SH3PXD2A: variants seen among roughly 807,000 people sequenced by gnomAD.
SH3PXD2A encodes SH3 and PX domains 2A, also known as SH3 and PX domain-containing protein 2A.
In SH3PXD2A, 32 loss-of-function variants were observed where a neutral mutation model predicts 115.2. The ratio of observed to expected loss-of-function variants is 0.28; its 90% CI spans 0.21 to 0.37. The LOEUF (loss-of-function observed/expected upper bound fraction) is 0.37. Ranked by LOEUF, SH3PXD2A falls within the 10% of genes least tolerant of loss-of-function variation. The pLI is 1.00. For missense variants in SH3PXD2A, 1,328 were observed against 1,498.7 expected (o/e 0.89, Z 1.88); for synonymous variants, 610 against 629.1 (o/e 0.97, Z 0.45).
At chr10:103,735,647 C>A in intron 4 of SH3PXD2A, 85 bp downstream of exon 4, 1 of 1,076,762 alleles carries the variant, frequency 9.3e-7, no homozygotes. Context: ...AACCTTTCCT[C>A]ACAGATGGAC....
At chr10:103,841,769 C>A (rs2039601020) in intron 1 of SH3PXD2A, among the ~76,000 whole-genome samples, 1 of 152,170 alleles carries the variant, frequency 6.6e-6, no homozygotes, top group Admixed American at 6.5e-5. Flanking sequence ...TTCCTCACCT[C>A]CCTCAAGTCT....
At chr10:103,768,895 G>A (rs1209378471) in intron 2 of SH3PXD2A, among the ~76,000 whole-genome samples, 2 of 152,108 alleles carry the variant, frequency 1.3e-5, no homozygotes, top group Non-Finnish European at 2.9e-5. Flanking sequence ...AGGGGAGTGG[G>A]CATGTGCAGA....
intron 13 of SH3PXD2A, among the ~76,000 whole-genome samples, chr10:103,607,913 C>T (rs1415328766): frequency 1.3e-5 from 2 of 151,890 alleles, no homozygotes; most frequent in Admixed American, 1.3e-4. Context: ...GGATTGAGGT[C>T]GGTGCAAGAT....
chr10:103,788,163 G>A (rs913284888), intron 2 of SH3PXD2A, among the ~76,000 whole-genome samples: 5 of 152,130 alleles, frequency 3.3e-5, no homozygotes, highest in African/African-American at 4.8e-5. Context: ...ATGCTTCACC[G>A]CTGCTCCAGC....
At chr10:103,829,547 A>G (rs891750137) in intron 1 of SH3PXD2A, among the ~76,000 whole-genome samples, 11 of 152,240 alleles carry the variant, frequency 7.2e-5, no homozygotes, top group Non-Finnish European at 1.6e-4. Flanking sequence ...CCACCCAGCA[A>G]GTATTTACTG....
intron 8 of SH3PXD2A, among the ~76,000 whole-genome samples, chr10:103,660,325 C>T (rs1005952380): frequency 6.6e-6 from 1 of 152,148 alleles, no homozygotes; most frequent in Non-Finnish European, 1.5e-5. Context: ...TACCTTTGCC[C>T]CCTCCGTGGC....
chr10:103,732,176 T>G (rs74157314), intron 4 of SH3PXD2A, among the ~76,000 whole-genome samples: 4,722 of 152,232 alleles, frequency 0.031, 222 homozygotes, highest in African/African-American at 0.1. Context: ...GAATATTCAT[T>G]TTATCCCTTG....
chr10:103,845,004 A>C (rs1842828599), intron 1 of SH3PXD2A, among the ~76,000 whole-genome samples: 1 of 152,170 alleles, frequency 6.6e-6, no homozygotes, highest in African/African-American at 2.4e-5. Context: ...CAGAAGATAC[A>C]GGTCATAAAG....
intron 2 of SH3PXD2A, among the ~76,000 whole-genome samples, chr10:103,790,673 G>A (rs2039026823): frequency 1.3e-5 from 2 of 152,204 alleles, no homozygotes; most frequent in African/African-American, 4.8e-5. Context: ...CTGATAGGTA[G>A]TGACTTCCTA....
intron 1 of SH3PXD2A, among the ~76,000 whole-genome samples, chr10:103,849,042 G>A (rs566573399): frequency 6.6e-6 from 1 of 150,926 alleles, no homozygotes; most frequent in African/African-American, 2.4e-5. Context: ...GCAGCGAGTG[G>A]TGGGGCCAGG....
At chr10:103,612,227 G>A (rs549229164) in intron 12 of SH3PXD2A, among the ~76,000 whole-genome samples, 1 of 152,318 alleles carries the variant, frequency 6.6e-6, no homozygotes, top group South Asian at 2.1e-4. Context: ...GTGCCAGACT[G>A]CCTGGAGTCT....
intron 3 of SH3PXD2A, among the ~76,000 whole-genome samples, chr10:103,753,085 T>C (rs998809721): frequency 4.3e-4 from 66 of 152,034 alleles, no homozygotes; most frequent in Non-Finnish European, 1.0e-4. Context: ...GCAAACACCC[T>C]GGTGCAGGCA....
In SH3PXD2A at chr10:103,832,907, T is replaced by C. The variant is rs182088604; in HGVS notation, c.72+22288A>G. Among the ~76,000 whole-genome samples, 368 of 149,434 alleles carry C rather than the reference T, an allele frequency of 2.5e-3. 1 individual carries two copies. The highest frequency in any genetic ancestry group is 8.7e-3 in the African/African-American group (351 of 40,164). On this transcript the variant is annotated intron_variant, in intron 1 of 14. Transcript: ENST00000369774. ...CAAGTATAATAAAAAGAAAAAAAAATAGAAGTAGAACCACCAGGTCACATG... is the reference window on the plus strand; with the variant it reads ...CAAGTATAATAAAAAGAAAAAAAAACAGAAGTAGAACCACCAGGTCACATG...
rs145657038 is a variant in SH3PXD2A at position 103,682,808 on chromosome 10, G to A, written c.427+10220C>T. Among the ~76,000 whole-genome samples, 11 of 151,764 alleles carry A rather than the reference G, an allele frequency of 7.2e-5. No homozygotes were observed. The South Asian group carries it at 2.1e-3, about 29-fold the overall frequency. On this transcript the variant is annotated intron_variant, in intron 6 of 14. Coordinates refer to ENST00000369774, the MANE Select transcript of SH3PXD2A (RefSeq NM_001394015.1). Reference sequence around the variant, plus strand: ...CGAGCCTGGGTAAGATGTGCCAGAAGCTGACGCCTTCAAAAGACACGCTCA... The same window carrying A: ...CGAGCCTGGGTAAGATGTGCCAGAAACTGACGCCTTCAAAAGACACGCTCA...
Position 103,605,852 on chromosome 10 carries a change from T to A in SH3PXD2A, c.1374A>T (p.Glu458Asp), listed in dbSNP as rs148490577. The A allele has an allele frequency of 6.2e-7, 1 of 1,613,474 alleles. No individual in the cohort carries two copies. Among genetic ancestry groups the A allele is most frequent in the African/African-American group, 1.3e-5 (1 of 75,042 alleles). ...SVEVEYYTIA[E>D]FQSCISDGIS... ...TGCCATCGGAAATGCACGACTGGAA[T>A]TCGGCAATGGTGTAGTACTCCACCT... Residue 458 changes from glutamate (E) to aspartate (D), a missense_variant, in exon 14 of 15, where the codon GAA becomes GAT. Physicochemically the swap from Glu to Asp is conservative, Grantham distance 45 (BLOSUM62 2). Around this residue, in one of 5 missense-constraint regions of SH3PXD2A, gnomAD observed 509 missense variants for 628.3 expected, o/e 0.81. Coordinates refer to ENST00000369774, the MANE Select transcript of SH3PXD2A (RefSeq NM_001394015.1).
chr10:103,834,481 G>A (rs1184113646), intron 1 of SH3PXD2A, among the ~76,000 whole-genome samples: 1 of 152,200 alleles, frequency 6.6e-6, no homozygotes, highest in Non-Finnish European at 1.5e-5. Flanking sequence ...ACATGAAAAT[G>A]TTCTGAAATT....
chr10:103,722,185 T>C (rs2038190396), intron 5 of SH3PXD2A, among the ~76,000 whole-genome samples: 1 of 150,958 alleles, frequency 6.6e-6, no homozygotes, highest in Non-Finnish European at 1.5e-5. Context: ...GTGCCTGTAA[T>C]CCCAGCTACC....
chr10:103,698,097 C>T (rs1365830133), intron 5 of SH3PXD2A, among the ~76,000 whole-genome samples: 1 of 152,204 alleles, frequency 6.6e-6, no homozygotes, highest in Non-Finnish European at 1.5e-5. Context: ...AAGGAGAGGT[C>T]ACACCAGCAG....
rs1489161868 is a variant in SH3PXD2A at position 103,627,251 on chromosome 10, C to T, written c.605-49G>A. ...AGGACTGTGAGATTCTGCAGGGTGGCAGGGGTGGCTCGGGGGCCAGGACAA... is the reference window on the plus strand; with the variant it reads ...AGGACTGTGAGATTCTGCAGGGTGGTAGGGGTGGCTCGGGGGCCAGGACAA... On this transcript the variant is annotated intron_variant, in intron 8 of 14. Transcript: ENST00000369774. This position sits in a 1 kb window ranked among gnomAD's most constrained non-coding sequence, Gnocchi z 4.4. The T allele has an allele frequency of 8.6e-7, 1 of 1,165,244 alleles. No homozygotes were observed. Among genetic ancestry groups the T allele is most frequent in the Admixed American group, 1.7e-5 (1 of 58,168 alleles). 72.2% of individuals were successfully genotyped at this position (1,165,244 alleles called of 1,614,324 possible).
Sources: gnomAD v4.1 joint callset for allele counts (sites outside exome capture counted in the v4.1 genomes callset) on GRCh38, gnomAD v4.1.1 for gene constraint, gnomAD v4.1.1 regional missense constraint, Gnocchi (gnomAD v3.1) non-coding constraint, MANE v1.5 for transcripts, NCBI Gene and HGNC (gene_info 2026-07-23, HGNC 2026-07-21) for gene names.